The following UBE2G1 variants were observed in gnomAD, a reference collection of about 807,000 sequenced individuals.
UBE2G1 encodes the protein ubiquitin conjugating enzyme E2 G1, also known as ubiquitin-conjugating enzyme E2 G1.
UBE2G1 carries 5 observed loss-of-function variants against 22.7 expected under a neutral mutation model. The observed-to-expected ratio is 0.22, with a 90% CI of 0.12 to 0.46. The LOEUF (loss-of-function observed/expected upper bound fraction) is 0.46, where lower values mean the gene tolerates loss of function less well. Ranked by LOEUF, UBE2G1 falls within the 20% of genes least tolerant of loss-of-function variation. The pLI is 0.99. For synonymous variants in UBE2G1, 74 were observed against 67.5 expected (o/e 1.10, Z -0.47); for missense variants, 88 against 203.9 (o/e 0.43, Z 3.46).
At chr17:4,279,672 C>T (rs182475436) in intron 5 of UBE2G1, among the ~76,000 whole-genome samples, 5 of 151,716 alleles carry the variant, frequency 3.3e-5, no homozygotes, top group Admixed American at 2.6e-4. Flanking sequence ...CACTCTGGGA[C>T]GCTGAGGCAC....
chr17:4,329,164 C>T lies in UBE2G1; in HGVS notation c.47-22041G>A, dbSNP rs187844976. Among the ~76,000 whole-genome samples, 514 of 147,578 alleles carry T rather than the reference C, an allele frequency of 3.5e-3. 11 individuals are homozygous for T. Among genetic ancestry groups the T allele is most frequent in the Admixed American group, 0.033 (482 of 14,622 alleles). Reference sequence around the variant, plus strand: ...CTGTAATCCTAGCACTTTGGAAGGCCGAGGCAGGCGGATTGCCTGAGCTCA... The same window carrying T: ...CTGTAATCCTAGCACTTTGGAAGGCTGAGGCAGGCGGATTGCCTGAGCTCA... On this transcript the variant is annotated intron_variant, in intron 1 of 5. Transcript: ENST00000396981.
chr17:4,359,584 G>A (rs905665778), intron 1 of UBE2G1, among the ~76,000 whole-genome samples: 6 of 152,210 alleles, frequency 3.9e-5, no homozygotes, highest in Non-Finnish European at 8.8e-5. Flanking sequence ...AAAAACTTCT[G>A]ATTAGACCGG....
At chr17:4,348,508 C>G (rs1488672865) in intron 1 of UBE2G1, among the ~76,000 whole-genome samples, 3 of 148,896 alleles carry the variant, frequency 2.0e-5, no homozygotes, top group East Asian at 2.0e-4. Flanking sequence ...AGCCGAGATC[C>G]CGCCACTGCA....
intron 5 of UBE2G1, 26 bp from the exon 6 acceptor site, chr17:4,272,542 T>C (rs1447054769): frequency 1.6e-5 from 3 of 186,660 alleles, no homozygotes; most frequent in Admixed American, 4.2e-5. Context: ...CAACATTATA[T>C]AGTCAATTCA....
At chr17:4,359,258 G>A (rs1567531824) in intron 1 of UBE2G1, among the ~76,000 whole-genome samples, 1 of 152,174 alleles carries the variant, frequency 6.6e-6, no homozygotes, top group Non-Finnish European at 1.5e-5. Context: ...ACAAACAGCT[G>A]CCAGGTAAAA....
chr17:4,290,779 C>CTTT (rs34313850), intron 3 of UBE2G1, among the ~76,000 whole-genome samples: 1 of 117,970 alleles, frequency 8.5e-6, no homozygotes, highest in African/African-American at 3.2e-5. Context: ...CCATTCCTGG[C>CTTT]TTTTTTTTTT....
intron 1 of UBE2G1, among the ~76,000 whole-genome samples, chr17:4,315,164 T>C (rs889003204): frequency 2.6e-5 from 4 of 152,020 alleles, no homozygotes; most frequent in Non-Finnish European, 4.4e-5. Flanking sequence ...CTAAGATAGG[T>C]GAAACGAGGC....
At chr17:4,327,453 C>A (rs2143770762) in intron 1 of UBE2G1, among the ~76,000 whole-genome samples, 1 of 152,140 alleles carries the variant, frequency 6.6e-6, no homozygotes, top group Admixed American at 6.6e-5. Flanking sequence ...GCCTGGGCAA[C>A]AGAGCGAGAC....
At chr17:4,364,736 C>G (rs1445727701) in intron 1 of UBE2G1, among the ~76,000 whole-genome samples, 1 of 152,148 alleles carries the variant, frequency 6.6e-6, no homozygotes, top group South Asian at 2.1e-4. Context: ...CCCTCCGCCA[C>G]GCCCGAATAA....
chr17:4,360,095 A>C (rs1166963657), intron 1 of UBE2G1, among the ~76,000 whole-genome samples: 1 of 152,170 alleles, frequency 6.6e-6, no homozygotes, highest in Non-Finnish European at 1.5e-5. Flanking sequence ...AATGCTATTA[A>C]CCATATAAAA....
chr17:4,312,669 C>A (rs1206584810), intron 1 of UBE2G1, among the ~76,000 whole-genome samples: 1 of 144,340 alleles, frequency 6.9e-6, no homozygotes, highest in Admixed American at 7.1e-5. Flanking sequence ...GCACTCCAGC[C>A]TGGGCGATAG....
intron 1 of UBE2G1, among the ~76,000 whole-genome samples, chr17:4,344,558 A>C (rs1264024475): frequency 6.6e-6 from 1 of 151,854 alleles, no homozygotes; most frequent in Non-Finnish European, 1.5e-5. Context: ...CTCTCAAAAA[A>C]AAAAAAGGAA....
In UBE2G1 at chr17:4,289,140, C is replaced by T. The variant is rs151288751; in HGVS notation, c.426+90G>A. On this transcript the variant is annotated intron_variant, in intron 4 of 5. Coordinates refer to ENST00000396981, the MANE Select transcript of UBE2G1 (RefSeq NM_003342.5). ...ACACACACACACACACGCATGCATA[C>T]ATTCATGCATACTTACATACATACT... 5.0e-4 allele frequency: 538 copies of T among 1,066,572 alleles called. 1 individual carries two copies. The African/African-American group carries it at 7.3e-3, about 14-fold the overall frequency. The allele number at this position is 1,066,572 out of a possible 1,614,324, so 66.1% of individuals were successfully genotyped here. A position where few individuals can be genotyped will look rare whatever the true frequency, so the allele number is the denominator to read the frequency against.
At chr17:4,296,648 T>C (rs1023621260) in intron 3 of UBE2G1, 69 bp downstream of exon 3, 15 of 1,419,806 alleles carry the variant, frequency 1.1e-5, no homozygotes, top group African/African-American at 1.4e-5. Flanking sequence ...ATCTTTCTTA[T>C]TGACCTTGAA....
At chr17:4,329,827 C>CT (rs66696267) in intron 1 of UBE2G1, among the ~76,000 whole-genome samples, 87,237 of 147,708 alleles carry the variant, frequency 0.59, 27,019 homozygotes, top group African/African-American at 0.81. Context: ...TAAAGGTATG[C>CT]TTTTTTTTTT....
intron 2 of UBE2G1, chr17:4,302,348 C>T (rs912937214): frequency 6.2e-6 from 3 of 485,724 alleles, no homozygotes; most frequent in African/African-American, 4.0e-5. Context: ...TGATGCTGGC[C>T]TTTATGATGT....
At chr17:4,311,473 A>G (rs560108272) in intron 1 of UBE2G1, among the ~76,000 whole-genome samples, 2 of 152,352 alleles carry the variant, frequency 1.3e-5, no homozygotes, top group African/African-American at 4.8e-5. Context: ...TCAGCCACAG[A>G]AAGAAATGAA....
chr17:4,309,229 A>G (rs917350537), intron 1 of UBE2G1, among the ~76,000 whole-genome samples: 4 of 152,260 alleles, frequency 2.6e-5, no homozygotes, highest in African/African-American at 4.8e-5. Context: ...ACTGTATTCC[A>G]GCCTGGGTGA....
chr17:4,341,379 G>A (rs1969710458), intron 1 of UBE2G1, among the ~76,000 whole-genome samples: 1 of 152,028 alleles, frequency 6.6e-6, no homozygotes, highest in African/African-American at 2.4e-5. Context: ...CTTCTCTCAT[G>A]TTACTCTGGA....
Sources: allele counts gnomAD v4.1 joint callset (sites outside exome capture counted in the v4.1 genomes callset), GRCh38; gene constraint gnomAD v4.1.1; transcripts MANE v1.5; gene names NCBI Gene and HGNC (gene_info 2026-07-23, HGNC 2026-07-21).